Variants in HYCC2 observed in about 807,000 individuals in gnomAD.
The protein encoded by HYCC2 is hyccin 2.
the HYCC2 span, among the ~76,000 whole-genome samples, chr2:201,003,805 CTTTTTTTTTTTT>C: frequency 0.027 from 1,781 of 66,544 alleles, 78 homozygotes; most frequent in Non-Finnish European, 0.033. Flanking sequence ...GTTGTTGTTG[CTTTTTTTTTTTT>C]TTTTTTTTTT....
chr2:200,994,611 G>A, the HYCC2 span, among the ~76,000 whole-genome samples: 2 of 152,162 alleles, frequency 1.3e-5, no homozygotes, highest in African/African-American at 2.4e-5. Context: ...TGTACAAGGA[G>A]TACATACATA....
chr2:201,022,974 G>C, the HYCC2 span: 3 of 1,317,172 alleles, frequency 2.3e-6, no homozygotes, highest in African/African-American at 4.4e-5. Context: ...GAACATTTGA[G>C]AAGCAAGGAA....
At chr2:200,996,408 A>G in the HYCC2 span, 2 of 152,018 alleles carry the variant, frequency 1.3e-5, no homozygotes, top group African/African-American at 4.8e-5. Context: ...CAGGCAGATC[A>G]CTTAATCCCA....
At chr2:201,069,664 A>T in the HYCC2 span, among the ~76,000 whole-genome samples, 2 of 152,022 alleles carry the variant, frequency 1.3e-5, no homozygotes, top group African/African-American at 4.8e-5. Context: ...ACAGAATTCC[A>T]CCTAAAATAG....
chr2:201,059,225 T>C, the HYCC2 span, among the ~76,000 whole-genome samples: 1 of 152,314 alleles, frequency 6.6e-6, no homozygotes, highest in Non-Finnish European at 1.5e-5. Flanking sequence ...TGTAAGCCAA[T>C]TCCTATAATA....
chr2:201,040,503 A>AT, the HYCC2 span, among the ~76,000 whole-genome samples: 1 of 121,896 alleles, frequency 8.2e-6, no homozygotes, highest in African/African-American at 3.1e-5. Flanking sequence ...TTGTTTGTTC[A>AT]TTTTTTTGAG....
the HYCC2 span, among the ~76,000 whole-genome samples, chr2:200,989,854 C>G: frequency 6.6e-6 from 1 of 152,024 alleles, no homozygotes; most frequent in Admixed American, 6.6e-5. Flanking sequence ...AAATAAAAAG[C>G]TGTATTCTTA....
chr2:201,053,446 G>A, the HYCC2 span, among the ~76,000 whole-genome samples: 4 of 152,282 alleles, frequency 2.6e-5, no homozygotes, highest in Admixed American at 6.5e-5. Flanking sequence ...ATAGGAATGC[G>A]AAACTATCCC....
At chr2:201,025,348 T>C in the HYCC2 span, among the ~76,000 whole-genome samples, 1 of 151,724 alleles carries the variant, frequency 6.6e-6, no homozygotes, top group Non-Finnish European at 1.5e-5. Context: ...TCTGGAAATA[T>C]AATAATAAAC....
At chr2:200,987,499 C>T in the HYCC2 span, 13 of 1,289,722 alleles carry the variant, frequency 1.0e-5, no homozygotes, top group Admixed American at 2.5e-4. Flanking sequence ...GCCAGGAATA[C>T]TCGAGTCAGC....
chr2:200,980,516 G>A, the HYCC2 span: 1 of 152,594 alleles, frequency 6.6e-6, no homozygotes, highest in African/African-American at 2.4e-5. Context: ...ATATGTCCTT[G>A]TGGGGAAGAG....
chr2:200,988,255 T>C, the HYCC2 span: 5 of 1,602,820 alleles, frequency 3.1e-6, no homozygotes, highest in South Asian at 5.6e-5. Flanking sequence ...GGGGATTTTG[T>C]ACTCACCTTC....
the HYCC2 span, among the ~76,000 whole-genome samples, chr2:201,014,234 G>C: frequency 6.6e-6 from 1 of 152,100 alleles, no homozygotes; most frequent in African/African-American, 2.4e-5. Context: ...ATAGCTTAAT[G>C]CTAAGCATAA....
At chr2:201,006,150 C>CG in the HYCC2 span, among the ~76,000 whole-genome samples, 2 of 133,820 alleles carry the variant, frequency 1.5e-5, no homozygotes, top group African/African-American at 5.7e-5. Flanking sequence ...TTTTTTGAGA[C>CG]GGAGTCTTGC....
chr2:200,997,212 G>T, the HYCC2 span: 6 of 349,256 alleles, frequency 1.7e-5, no homozygotes, highest in South Asian at 2.2e-4. Context: ...CTATGATTGA[G>T]CCACTGTACT....
At chr2:200,999,977 G>A in the HYCC2 span, among the ~76,000 whole-genome samples, 918 of 144,178 alleles carry the variant, frequency 6.4e-3, 6 homozygotes, top group African/African-American at 0.022. Flanking sequence ...AGAATCACTC[G>A]AACCCGAGAG....
At chr2:201,015,729 G>T in the HYCC2 span, among the ~76,000 whole-genome samples, 3 of 152,166 alleles carry the variant, frequency 2.0e-5, no homozygotes, top group African/African-American at 4.8e-5. Context: ...ACACAAAATT[G>T]TCTTTTCCAG....
chr2:201,033,352 G>A, the HYCC2 span, among the ~76,000 whole-genome samples: 1 of 151,542 alleles, frequency 6.6e-6, no homozygotes, highest in Non-Finnish European at 1.5e-5. Context: ...CTATAGGCAT[G>A]TGCCACCATG....
chr2:201,041,789 T>C, the HYCC2 span, among the ~76,000 whole-genome samples: 1 of 152,220 alleles, frequency 6.6e-6, no homozygotes, highest in Admixed American at 6.5e-5. Flanking sequence ...AAAAAACATA[T>C]ATATAGTCAA....
Sources: allele counts gnomAD v4.1 joint callset (sites outside exome capture counted in the v4.1 genomes callset), GRCh38; gene constraint gnomAD v4.1.1; transcripts MANE v1.5; gene names NCBI Gene and HGNC (gene_info 2026-07-23, HGNC 2026-07-21).